The following KLHL32 variants were observed in gnomAD, a reference collection of about 807,000 sequenced individuals.
KLHL32 encodes kelch like family member 32.
Under a neutral mutation model 64.8 loss-of-function variants are expected in KLHL32, and 35 were observed. The ratio of observed to expected loss-of-function variants is 0.54; its 90% confidence interval spans 0.41 to 0.72. The LOEUF (loss-of-function observed/expected upper bound fraction) is 0.72. Ranked by LOEUF, KLHL32 falls within the 30% of genes least tolerant of loss-of-function variation. KLHL32 has a pLI of 0.00. For synonymous variants in KLHL32, 259 were observed against 281.0 expected (o/e 0.92, Z 0.78); for missense variants, 589 against 768.5 (o/e 0.77, Z 2.76).
At chr6:96,966,907 G>C in intron 1 of KLHL32, 89 bp from the exon 2 acceptor site, 1 of 624,590 alleles carries the variant, frequency 1.6e-6, no homozygotes, top group Non-Finnish European at 2.9e-6. Flanking sequence ...TGTCTCCCTG[G>C]AATTCAGAAA....
chr6:97,119,380 T>C (rs1411413869), intron 7 of KLHL32, among the ~76,000 whole-genome samples: 1 of 151,984 alleles, frequency 6.6e-6, no homozygotes, highest in Admixed American at 6.6e-5. Flanking sequence ...AGTGAGATAA[T>C]AGGAGGAGGA....
At chr6:97,130,615 A>G in intron 8 of KLHL32, 142 bp from the exon 9 acceptor site, 1 of 592,160 alleles carries the variant, frequency 1.7e-6, no homozygotes, top group East Asian at 2.9e-5. Context: ...ATACCTTTCA[A>G]TATATATAAA....
chr6:97,115,753 C>T (rs1797743294), intron 7 of KLHL32, among the ~76,000 whole-genome samples: 1 of 152,172 alleles, frequency 6.6e-6, no homozygotes, highest in African/African-American at 2.4e-5. Flanking sequence ...GGAAGATACT[C>T]ATATTGTAAT....
chr6:97,007,686 G>A (rs1779838174), intron 3 of KLHL32, among the ~76,000 whole-genome samples: 1 of 152,104 alleles, frequency 6.6e-6, no homozygotes, highest in African/African-American at 2.4e-5. Flanking sequence ...ATACCCTTGG[G>A]AGTTTGATTG....
chr6:97,086,663 T>C (rs1389235590), intron 6 of KLHL32, among the ~76,000 whole-genome samples: 1 of 152,228 alleles, frequency 6.6e-6, no homozygotes, highest in African/African-American at 2.4e-5. Context: ...CAAAAAAACA[T>C]TAAAGAATAA....
chr6:97,095,450 TG>T (rs764258043), intron 6 of KLHL32, among the ~76,000 whole-genome samples: 4 of 152,222 alleles, frequency 2.6e-5, no homozygotes, highest in Non-Finnish European at 5.9e-5. Flanking sequence ...TGCTTTAGAA[TG>T]ATTAATTCCA....
chr6:96,934,286 T>G lies in KLHL32; in HGVS notation c.-66+9260T>G, dbSNP rs917473798. Among the ~76,000 whole-genome samples the G allele has an allele frequency of 2.6e-5, 4 of 152,218 alleles. No homozygotes were observed. In the East Asian group the frequency reaches 7.7e-4, roughly 29 times the overall value. ...ATCTGCATTAGTATTGAGTCATTTG[T>G]GTATTAAGAAACTCCCATTGAGTAA... On this transcript the variant is annotated intron_variant, in intron 1 of 10. Transcript: ENST00000369261.
intron 3 of KLHL32, among the ~76,000 whole-genome samples, chr6:97,002,587 A>G (rs1308077389): frequency 6.6e-6 from 1 of 152,170 alleles, no homozygotes; most frequent in Admixed American, 6.5e-5. Flanking sequence ...TCCTAAGCGT[A>G]GTACGCTATA....
At chr6:97,022,859 A>T (rs1191313947) in intron 3 of KLHL32, among the ~76,000 whole-genome samples, 1 of 152,226 alleles carries the variant, frequency 6.6e-6, no homozygotes, top group Non-Finnish European at 1.5e-5. Flanking sequence ...TTATAAAGGA[A>T]AGAGTTTTAA....
At chr6:97,060,922 T>C (rs1788776816) in intron 4 of KLHL32, among the ~76,000 whole-genome samples, 1 of 152,144 alleles carries the variant, frequency 6.6e-6, no homozygotes, top group Non-Finnish European at 1.5e-5. Flanking sequence ...GCATTTGGAA[T>C]GGGAATCAGT....
intron 7 of KLHL32, among the ~76,000 whole-genome samples, chr6:97,118,710 C>T (rs565058391): frequency 1.3e-5 from 2 of 151,614 alleles, no homozygotes; most frequent in Non-Finnish European, 2.9e-5. Context: ...GACCACAGAC[C>T]GTGGTCACAC....
In KLHL32 at chr6:96,992,362, G is replaced by T. The variant is rs146418239; in HGVS notation, c.204+16185G>T. On this transcript the variant is annotated intron_variant, in intron 3 of 10. Transcript: ENST00000369261. ...CCTCTCCCCGGTGGGCAGTTGTCCT[G>T]TCTCACTCTTCTCACTTCTGTGTGG... is the stretch of plus-strand genomic sequence containing the variant. Among the ~76,000 whole-genome samples, 124 of 152,326 alleles carry T rather than the reference G, an allele frequency of 8.1e-4. 2 individuals are homozygous for T. The East Asian group carries it at 0.017, about 21-fold the overall frequency.
intron 1 of KLHL32, among the ~76,000 whole-genome samples, chr6:96,961,505 G>T (rs1773878134): frequency 6.6e-6 from 1 of 152,122 alleles, no homozygotes; most frequent in South Asian, 2.1e-4. Flanking sequence ...TACTGGCTGG[G>T]CTCGTTCTGC....
chr6:97,116,859 A>G lies in KLHL32; in HGVS notation c.1354+2350A>G, dbSNP rs572728800. 2.6e-5 allele frequency among the ~76,000 whole-genome samples: 4 copies of G among 152,294 alleles called. No homozygotes were observed. In the South Asian group the frequency reaches 8.3e-4, roughly 32 times the overall value. ...TCACTTTGTTTTTCTCCTACTGTGA[A>G]AGGAAATACATTTTCTTTGTTCTTC... On this transcript the variant is annotated intron_variant, in intron 7 of 10. Transcript: ENST00000369261.
In KLHL32 at chr6:97,063,606, G is replaced by C. The variant is rs546820413; in HGVS notation, c.313-1022G>C. Among the ~76,000 whole-genome samples the C allele has an allele frequency of 3.3e-5, 5 of 152,328 alleles. No individual in the cohort carries two copies. The South Asian group carries it at 1.0e-3, about 32-fold the overall frequency. ...GAGAAAGGAGCGTGCTGAAGTAGTA[G>C]AGTGGAGGGGTGAATTGACTAGTGC... On this transcript the variant is annotated intron_variant, in intron 4 of 10. Coordinates refer to ENST00000369261, the MANE Select transcript of KLHL32 (RefSeq NM_052904.4).
intron 7 of KLHL32, among the ~76,000 whole-genome samples, chr6:97,119,740 G>A (rs1378896815): frequency 6.6e-6 from 1 of 152,162 alleles, no homozygotes; most frequent in African/African-American, 2.4e-5. Context: ...TTAACAGTCT[G>A]GCTTCCTGTA....
Position 96,959,569 on chromosome 6 carries a change from A to G in KLHL32, c.-65-7427A>G, listed in dbSNP as rs141860653. ...AAGGATGCCAATCATTTTGAATTAG[A>G]GCCCACCCAGTAACCTTTTAACTTT... On this transcript the variant is annotated intron_variant, in intron 1 of 10. Coordinates refer to ENST00000369261, the MANE Select transcript of KLHL32 (RefSeq NM_052904.4). Among the ~76,000 whole-genome samples, 84 of 152,284 alleles carry G rather than the reference A, an allele frequency of 5.5e-4. 1 individual carries two copies. The East Asian group carries it at 0.015, about 28-fold the overall frequency.
At chr6:96,901,469 C>T in the KLHL32 span, among the ~76,000 whole-genome samples, 1 of 152,090 alleles carries the variant, frequency 6.6e-6, no homozygotes, top group Admixed American at 6.6e-5. Flanking sequence ...TCGTAACACC[C>T]TTATGATTAC....
At chr6:97,113,380 A>G (rs1797424685) in intron 6 of KLHL32, among the ~76,000 whole-genome samples, 1 of 152,036 alleles carries the variant, frequency 6.6e-6, no homozygotes, top group Non-Finnish European at 1.5e-5. Context: ...GTTGACATAT[A>G]TTACCTGAGC....
Sources: allele counts gnomAD v4.1 joint callset (sites outside exome capture counted in the v4.1 genomes callset), GRCh38; gene constraint gnomAD v4.1.1; transcripts MANE v1.5; gene names NCBI Gene and HGNC (gene_info 2026-07-23, HGNC 2026-07-21).